The following EVC2 variants were observed in gnomAD, a reference collection of about 807,000 sequenced individuals.
The protein encoded by EVC2 is limbin.
Under a neutral mutation model 149.3 loss-of-function variants are expected in EVC2, and 148 were observed. The observed-to-expected ratio is 0.99, with a 90% CI of 0.87 to 1.14. EVC2 has a LOEUF of 1.14. Among genes scored for constraint, EVC2 ranks in the 50% most tolerant of loss-of-function variants. EVC2 has a pLI of 0.00. For missense variants in EVC2, 1,854 were observed against 1,627.3 expected, an observed-to-expected ratio of 1.14 and a Z score of -2.40; for synonymous variants, 776 against 649.9, an observed-to-expected ratio of 1.19 and a Z score of -2.95.
At chr4:5,645,983 G>A (rs1186402657) in intron 9 of EVC2, among the ~76,000 whole-genome samples, 1 of 152,080 alleles carries the variant, frequency 6.6e-6, no homozygotes, top group African/African-American at 2.4e-5. Context: ...TGGATGGAGT[G>A]CAATGGCGTG....
In EVC2 at chr4:5,563,126, A is replaced by G; in HGVS notation, c.3660-11T>C. The G allele has an allele frequency of 1.2e-6, 2 of 1,610,240 alleles. No homozygotes were observed. The highest frequency in any genetic ancestry group is 1.7e-6 in the Non-Finnish European group (2 of 1,178,364). Reference sequence around the variant, plus strand: ...GTCTTCTTTAATATGCTAAAGAAATAGCAAAAGATCAAATTCAATATTTTT... The same window carrying G: ...GTCTTCTTTAATATGCTAAAGAAATGGCAAAAGATCAAATTCAATATTTTT... On this transcript the variant is annotated splice_polypyrimidine_tract_variant and intron_variant, in intron 21 of 21. Coordinates refer to ENST00000344408, the MANE Select transcript of EVC2 (RefSeq NM_147127.5).
intron 21 of EVC2, among the ~76,000 whole-genome samples, chr4:5,550,051 T>C (rs1442697554): frequency 4.6e-5 from 7 of 152,322 alleles, no homozygotes; most frequent in Admixed American, 4.6e-4. Flanking sequence ...AAACTGTAAG[T>C]CTATTCAGCA....
intron 21 of EVC2, among the ~76,000 whole-genome samples, chr4:5,557,159 A>G (rs1455721154): frequency 1.3e-5 from 2 of 152,158 alleles, no homozygotes; most frequent in East Asian, 3.8e-4. Context: ...ATGAACATAG[A>G]TGAACAAATC....
At chr4:5,671,483 C>T (rs1312948672) in intron 7 of EVC2, among the ~76,000 whole-genome samples, 1 of 152,146 alleles carries the variant, frequency 6.6e-6, no homozygotes, top group Non-Finnish European at 1.5e-5. Context: ...AGGCTTTATT[C>T]CCTTTTTAAT....
At chr4:5,668,247 C>T (rs1162786473) in intron 7 of EVC2, among the ~76,000 whole-genome samples, 1 of 152,196 alleles carries the variant, frequency 6.6e-6, no homozygotes. Flanking sequence ...AATGAGGCCA[C>T]CCTGACCTTC....
chr4:5,699,057 G>T (rs1721663675), intron 1 of EVC2, among the ~76,000 whole-genome samples: 1 of 152,224 alleles, frequency 6.6e-6, no homozygotes, highest in Admixed American at 6.5e-5. Context: ...GTTCTGCTGG[G>T]GTGATGTAAC....
chr4:5,595,032 G>T (rs1366397505), intron 16 of EVC2, among the ~76,000 whole-genome samples: 1 of 152,126 alleles, frequency 6.6e-6, no homozygotes, highest in African/African-American at 2.4e-5. Flanking sequence ...AGAATAAAAA[G>T]AAACGAACAA....
At position 5,679,552 on chromosome 4, in the gene EVC2, A is replaced by G. The variant is rs1246480727; in HGVS notation, c.870+1708T>C. On this transcript the variant is annotated intron_variant, in intron 7 of 21. Coordinates refer to ENST00000344408, the MANE Select transcript of EVC2 (RefSeq NM_147127.5). This position sits in a 1 kb window ranked among gnomAD's most constrained non-coding sequence, Gnocchi z 5.1. ...TATGCCTGGCCACTAAATTTATTTT[A>G]AAAATATATGCTGTGCAGGTTTCTT... 6.6e-6 allele frequency among the ~76,000 whole-genome samples: 1 copy of G among 152,154 alleles called. No homozygotes were observed. The highest frequency in any genetic ancestry group is 1.9e-4 in the East Asian group (1 of 5,192).
At position 5,640,386 on chromosome 4, in the gene EVC2, G is replaced by A; in HGVS notation, c.1470+128C>T. ...AATGGAAGGATGAATAGATGAATGA[G>A]TGGGTGGTTGGATGGATGATGGGTA... On this transcript the variant is annotated intron_variant, in intron 10 of 21. Transcript: ENST00000344408. This position sits in a 1 kb window ranked among gnomAD's most constrained non-coding sequence, Gnocchi z 4.6. The A allele has an allele frequency of 1.9e-6, 2 of 1,056,608 alleles. No individual in the cohort carries two copies. Among genetic ancestry groups the A allele is most frequent in the Non-Finnish European group, 3.0e-6 (2 of 677,692 alleles). 65.5% of individuals were successfully genotyped at this position (1,056,608 alleles called of 1,614,324 possible).
At chr4:5,546,886 G>A (rs1374444188) in intron 21 of EVC2, among the ~76,000 whole-genome samples, 1 of 152,154 alleles carries the variant, frequency 6.6e-6, no homozygotes, top group East Asian at 1.9e-4. Flanking sequence ...ACAAGTGGGA[G>A]CCCTGCACCT....
chr4:5,587,357 C>T (rs1217402819), intron 16 of EVC2, among the ~76,000 whole-genome samples: 1 of 152,206 alleles, frequency 6.6e-6, no homozygotes, highest in Non-Finnish European at 1.5e-5. Flanking sequence ...AATGGAACTA[C>T]AGAAGAACAA....
At chr4:5,678,518 A>G (rs1230501776) in intron 7 of EVC2, among the ~76,000 whole-genome samples, 1 of 152,212 alleles carries the variant, frequency 6.6e-6, no homozygotes. Context: ...ACAGGCATGC[A>G]TCACCTAACA....
intron 12 of EVC2, among the ~76,000 whole-genome samples, chr4:5,626,270 A>G (rs114906179): frequency 0.031 from 4,702 of 151,140 alleles, 226 homozygotes; most frequent in African/African-American, 0.11. Context: ...GGCAGGGAAT[A>G]CTCTGTGTGA....
chr4:5,694,489 A>T lies in EVC2; in HGVS notation c.296T>A (p.Leu99His). ...CHFKTAVEAP[L>H]GMKLDKKMEV... is the part of the protein sequence containing the mutation. ...CATTTTCTTGTCCAATTTCATTCCA[A>T]GTGGTGCTTCCACTGCAAAACAACA... is the stretch of plus-strand genomic sequence containing the variant. The change falls in exon 3 of 22, where the codon CTT becomes CAT. Residue 99 changes from leucine to histidine, a missense_variant. Leu to His is a moderately conservative substitution (Grantham distance 99). Coordinates refer to ENST00000344408, the MANE Select transcript of EVC2 (RefSeq NM_147127.5). The T allele has an allele frequency of 6.2e-7, 1 of 1,614,234 alleles. No individual in the cohort carries two copies. Among genetic ancestry groups the T allele is most frequent in the Non-Finnish European group, 8.5e-7 (1 of 1,180,042 alleles).
chr4:5,589,159 A>G (rs1712563804), intron 16 of EVC2, among the ~76,000 whole-genome samples: 1 of 152,254 alleles, frequency 6.6e-6, no homozygotes, highest in Non-Finnish European at 1.5e-5. Context: ...GATGCAGTTA[A>G]GCTACTTGGA....
At chr4:5,534,075 G>C in the EVC2 span, among the ~76,000 whole-genome samples, 4 of 152,148 alleles carry the variant, frequency 2.6e-5, no homozygotes, top group African/African-American at 7.2e-5. Flanking sequence ...GGCACTAGAA[G>C]ATTTTAAGCA....
At chr4:5,650,671 A>AGAGAGAGAGAGAGAGCGC (rs35334619) in intron 9 of EVC2, among the ~76,000 whole-genome samples, 16 of 102,450 alleles carry the variant, frequency 1.6e-4, no homozygotes, top group East Asian at 4.0e-4. Flanking sequence ...AGAGAGAGAG[A>AGAGAGAGAGAGAGAGCGC]GCCATTTAAT....
intron 6 of EVC2, among the ~76,000 whole-genome samples, chr4:5,683,437 T>C (rs1720482137): frequency 6.6e-6 from 1 of 152,228 alleles, no homozygotes; most frequent in Non-Finnish European, 1.5e-5. Flanking sequence ...CGTTTTTTAG[T>C]TCCTAGCATG....
At chr4:5,574,173 C>T (rs140388179) in intron 19 of EVC2, among the ~76,000 whole-genome samples, 157 of 152,316 alleles carry the variant, frequency 1.0e-3, no homozygotes, top group Non-Finnish European at 1.3e-3. Context: ...AAAACCCGAT[C>T]GGTAGCAGAC....
Sources: gnomAD v4.1 joint callset for allele counts (sites outside exome capture counted in the v4.1 genomes callset) on GRCh38, gnomAD v4.1.1 for gene constraint, Gnocchi (gnomAD v3.1) non-coding constraint, MANE v1.5 for transcripts, NCBI Gene and HGNC (gene_info 2026-07-23, HGNC 2026-07-21) for gene names.